Variants in GUCA1C observed in about 807,000 individuals in gnomAD.
GUCA1C encodes guanylyl cyclase-activating protein 3.
GUCA1C carries 15 observed loss-of-function variants against 16.2 expected under a neutral mutation model. The ratio of observed to expected loss-of-function variants is 0.93; its 90% CI spans 0.62 to 1.43. The LOEUF (loss-of-function observed/expected upper bound fraction) is 1.43. Ranked by LOEUF, GUCA1C falls within the 40% of genes most tolerant of loss-of-function variation. The pLI is 0.00. For missense variants in GUCA1C, 275 were observed against 244.8 expected (o/e 1.12, Z -0.82); for synonymous variants, 78 against 85.4 (o/e 0.91, Z 0.48).
chr3:108,953,905 T>C (rs1946925343), upstream of GUCA1C: 1 of 618,466 alleles, frequency 1.6e-6, no homozygotes, highest in Non-Finnish European at 2.9e-6. Flanking sequence ...ACAAGCTAAA[T>C]AAGAATAGAA....
intron 1 of GUCA1C, among the ~76,000 whole-genome samples, chr3:108,929,360 C>A (rs570469916): frequency 6.6e-6 from 1 of 152,116 alleles, no homozygotes; most frequent in East Asian, 1.9e-4. Flanking sequence ...TTGGTTAATT[C>A]TTTTGAGTTT....
At chr3:108,930,639 T>C (rs1028444484) in intron 1 of GUCA1C, among the ~76,000 whole-genome samples, 1 of 152,198 alleles carries the variant, frequency 6.6e-6, no homozygotes, top group African/African-American at 2.4e-5. Flanking sequence ...ATTTTTGTGT[T>C]TTACAACTTA....
intron 1 of GUCA1C, among the ~76,000 whole-genome samples, chr3:108,949,002 C>G (rs902397257): frequency 6.6e-6 from 1 of 152,084 alleles, no homozygotes; most frequent in Non-Finnish European, 1.5e-5. Flanking sequence ...TGCCCACCAC[C>G]ACGCCCGGCT....
At chr3:108,918,100 A>T (rs988741452) in intron 2 of GUCA1C, among the ~76,000 whole-genome samples, 2 of 152,146 alleles carry the variant, frequency 1.3e-5, no homozygotes, top group Non-Finnish European at 2.9e-5. Context: ...AGACTAGGCA[A>T]TTCTTTCTTG....
intron 1 of GUCA1C, among the ~76,000 whole-genome samples, chr3:108,934,683 G>T (rs908920239): frequency 6.6e-6 from 1 of 151,620 alleles, no homozygotes; most frequent in African/African-American, 2.4e-5. Context: ...ATACTATGCA[G>T]CCGAAAAACA....
At chr3:108,910,535 A>G (rs1946440913) in intron 3 of GUCA1C, among the ~76,000 whole-genome samples, 1 of 152,072 alleles carries the variant, frequency 6.6e-6, no homozygotes, top group African/African-American at 2.4e-5. Context: ...CAAAAAGCCA[A>G]TGCCTGTGAG....
chr3:108,916,641 G>A (rs1252898080), intron 2 of GUCA1C, among the ~76,000 whole-genome samples: 2 of 152,166 alleles, frequency 1.3e-5, no homozygotes, highest in Non-Finnish European at 2.9e-5. Flanking sequence ...TTCCTCTCCG[G>A]CTTCCACCGC....
intron 1 of GUCA1C, among the ~76,000 whole-genome samples, chr3:108,929,345 GT>G (rs1394575689): frequency 6.6e-6 from 1 of 152,016 alleles, no homozygotes; most frequent in Admixed American, 6.6e-5. Flanking sequence ...TTTGTTTTTG[GT>G]TTTTTGGTTA....
In GUCA1C at chr3:108,920,525, T is replaced by C; in HGVS notation, c.265A>G (p.Met89Val). ...AAATACCATTTTAATTTTTGCTCCATTTTTTCTTGCATGATTAGATTTACA... is the reference window on the plus strand; with the variant it reads ...AAATACCATTTTAATTTTTGCTCCACTTTTTCTTGCATGATTAGATTTACA... The part of the protein sequence containing the change: ...AAVNLIMQEK[M>V]EQKLKWYFKL... Residue 89 changes from methionine to valine, a missense_variant, in exon 2 of 4, where the codon ATG becomes GTG. Transcript: ENST00000261047. 1.3e-6 allele frequency: 2 copies of C among 1,589,842 alleles called. No homozygotes were observed. The highest frequency in any genetic ancestry group is 8.6e-7 in the Non-Finnish European group (1 of 1,158,256).
chr3:108,926,968 T>C (rs1946628713), intron 1 of GUCA1C, among the ~76,000 whole-genome samples: 1 of 152,224 alleles, frequency 6.6e-6, no homozygotes, highest in South Asian at 2.1e-4. Context: ...TAAATGACTG[T>C]ATCTTTCCTT....
chr3:108,928,009 G>A (rs1559844018), intron 1 of GUCA1C, among the ~76,000 whole-genome samples: 1 of 152,234 alleles, frequency 6.6e-6, no homozygotes, highest in South Asian at 2.1e-4. Flanking sequence ...ACCTAGCGGA[G>A]CTACTGTGCT....
Position 108,953,667 on chromosome 3 carries a change from G to T in GUCA1C, c.96C>A (p.Ser32=). Residue 32 remains serine, a synonymous_variant, in exon 1 of 4, where the codon TCC becomes TCA. Coordinates refer to ENST00000261047, the MANE Select transcript of GUCA1C (RefSeq NM_005459.4). ...TAAATTCATGTAGTGTTTGCAGGCCGGATGGATATTCCATCATAAATGTTC... is the reference window on the plus strand; with the variant it reads ...TAAATTCATGTAGTGTTTGCAGGCCTGATGGATATTCCATCATAAATGTTC... The part of the protein sequence containing the change: ...WYRTFMMEYP[S]GLQTLHEFKT... The T allele has an allele frequency of 6.2e-7, 1 of 1,610,540 alleles. No homozygotes were observed. Among genetic ancestry groups the T allele is most frequent in the Non-Finnish European group, 8.5e-7 (1 of 1,176,756 alleles).
intron 1 of GUCA1C, among the ~76,000 whole-genome samples, chr3:108,948,522 A>G (rs1946866061): frequency 6.6e-6 from 1 of 152,046 alleles, no homozygotes; most frequent in Non-Finnish European, 1.5e-5. Context: ...TTGATGGAGC[A>G]CCTACTCCAG....
intron 1 of GUCA1C, among the ~76,000 whole-genome samples, chr3:108,932,251 TG>T (rs1184995896): frequency 7.1e-6 from 1 of 141,214 alleles, no homozygotes; most frequent in Admixed American, 7.7e-5. Context: ...TGAGCCTGAG[TG>T]GGGTTCATAA....
intron 1 of GUCA1C, 83 bp downstream of exon 1, chr3:108,953,476 G>C: frequency 2.2e-6 from 2 of 896,184 alleles, no homozygotes; most frequent in Non-Finnish European, 3.6e-6. Flanking sequence ...TTTACTTAAG[G>C]CTATTTTACA....
At position 108,907,826 on chromosome 3, in the gene GUCA1C, C is replaced by T. The variant is rs1037193534; in HGVS notation, c.*196G>A. On this transcript the variant is annotated 3_prime_UTR_variant, in exon 4 of 4. Coordinates refer to ENST00000261047, the MANE Select transcript of GUCA1C (RefSeq NM_005459.4). ...ATCATTATGTTTTAATCTGCAGAGA[C>T]AGCACAGAAAAGCAACAATGCATCT... is the stretch of plus-strand genomic sequence containing the variant. 13 of 535,076 alleles carry T rather than the reference C, an allele frequency of 2.4e-5. No homozygotes were observed. Among genetic ancestry groups the T allele is most frequent in the Non-Finnish European group, 3.6e-5 (11 of 303,672 alleles). 33.1% of individuals were successfully genotyped at this position (535,076 alleles called of 1,614,324 possible). A position where few individuals can be genotyped will look rare whatever the true frequency, so the allele number is the denominator to read the frequency against.
At chr3:108,950,927 G>T (rs1179393814) in intron 1 of GUCA1C, among the ~76,000 whole-genome samples, 1 of 152,134 alleles carries the variant, frequency 6.6e-6, no homozygotes. Flanking sequence ...ATATTACACA[G>T]AATGTAACAA....
At chr3:108,919,497 G>C (rs1226816944) in intron 2 of GUCA1C, among the ~76,000 whole-genome samples, 1 of 151,948 alleles carries the variant, frequency 6.6e-6, no homozygotes, top group African/African-American at 2.4e-5. Context: ...CATTTTTTTT[G>C]TGTGAATGAT....
intron 1 of GUCA1C, among the ~76,000 whole-genome samples, chr3:108,921,952 G>T (rs72933196): frequency 0.01 from 1,564 of 152,142 alleles, 25 homozygotes; most frequent in African/African-American, 0.035. Flanking sequence ...TTTCCCCAAA[G>T]TCCAATGTAT....
Sources: gnomAD v4.1 joint callset for allele counts (sites outside exome capture counted in the v4.1 genomes callset) on GRCh38, gnomAD v4.1.1 for gene constraint, MANE v1.5 for transcripts, NCBI Gene and HGNC (gene_info 2026-07-23, HGNC 2026-07-21) for gene names.